The following SLC7A14 variants were observed in gnomAD, a reference collection of about 807,000 sequenced individuals.
SLC7A14 encodes solute carrier family 7 member 14.
SLC7A14 carries 37 observed loss-of-function variants against 60.2 expected under a neutral mutation model. The observed-to-expected ratio is 0.61, with a 90% CI of 0.47 to 0.81. SLC7A14 has a LOEUF of 0.81. SLC7A14 is among the 30% of genes least tolerant of loss of function. SLC7A14 has a pLI of 0.00. For missense variants in SLC7A14, 886 were observed against 982.7 expected, an observed-to-expected ratio of 0.90 and a Z score of 1.32; for synonymous variants, 399 against 395.8, an observed-to-expected ratio of 1.01 and a Z score of -0.10.
In SLC7A14 at chr3:170,480,289, C is replaced by A; in HGVS notation, c.1993G>T (p.Gly665Cys). The change falls in exon 7 of 8, where the codon GGT (glycine) becomes TGT (cysteine). Residue 665 changes from glycine to cysteine, a missense_variant and splice_region_variant. Transcript: ENST00000231706. The part of the protein sequence containing the change: ...WIRFAVWCFV[G>C]LLIYFGYGIW... ...TAAGGCTCCAAAGGAAGTTGCTTACCCACAAAGCACCAGACCGCAAACCGG... is the reference window on the plus strand; with the variant it reads ...TAAGGCTCCAAAGGAAGTTGCTTACACACAAAGCACCAGACCGCAAACCGG... 2.6e-6 allele frequency: 4 copies of A among 1,521,894 alleles called. No individual in the cohort carries two copies. Among genetic ancestry groups the A allele is most frequent in the Non-Finnish European group, 3.5e-6 (4 of 1,136,162 alleles). The allele number at this position is 1,521,894 out of a possible 1,614,324, so 94.3% of individuals were successfully genotyped here.
chr3:170,550,512 A>ATTTTTTTTTTTTTTTT lies in SLC7A14; in HGVS notation c.-152-23440_-152-23425dup, dbSNP rs369436642. On this transcript the variant is annotated intron_variant, in intron 1 of 7. Transcript: ENST00000231706. ...TAAACCTAATGCCATCTTTCCTTGA[A>ATTTTTTTTTTTTTTTT]TTTTTTTTTTTTTTTTTTTTTTTTT... Among the ~76,000 whole-genome samples the ATTTTTTTTTTTTTTTT allele has an allele frequency of 1.5e-3, 91 of 60,602 alleles. 12 individuals carry two copies. The highest frequency in any genetic ancestry group is 3.8e-3 in the African/African-American group (44 of 11,468). The allele number at this position is 60,602 out of a possible 152,430, so 39.8% of individuals were successfully genotyped here. A position where few individuals can be genotyped will look rare whatever the true frequency, so the allele number is the denominator to read the frequency against.
intron 2 of SLC7A14, among the ~76,000 whole-genome samples, chr3:170,512,654 A>ACTTT (rs1713017454): frequency 1.6e-5 from 1 of 63,130 alleles, no homozygotes; most frequent in Admixed American, 2.7e-4. Flanking sequence ...TACAATTTGC[A>ACTTT]TTTTTTTTTT....
At chr3:170,543,927 T>G (rs1714093860) in intron 1 of SLC7A14, among the ~76,000 whole-genome samples, 1 of 151,690 alleles carries the variant, frequency 6.6e-6, no homozygotes, top group South Asian at 2.1e-4. Context: ...TTTTTGTATT[T>G]TTAGTAGAGA....
At chr3:170,529,237 C>T (rs942452944) in intron 1 of SLC7A14, among the ~76,000 whole-genome samples, 1 of 152,226 alleles carries the variant, frequency 6.6e-6, no homozygotes, top group Non-Finnish European at 1.5e-5. Context: ...TATGTAACTA[C>T]ACACCTATTT....
intron 3 of SLC7A14, among the ~76,000 whole-genome samples, chr3:170,499,694 A>T (rs1712541802): frequency 6.6e-6 from 1 of 152,168 alleles, no homozygotes; most frequent in Non-Finnish European, 1.5e-5. Context: ...TGTAGAGAAA[A>T]AAATAACCAG....
At chr3:170,472,143 T>G (rs989336685) in intron 7 of SLC7A14, among the ~76,000 whole-genome samples, 9 of 148,734 alleles carry the variant, frequency 6.1e-5, no homozygotes, top group African/African-American at 2.0e-4. Flanking sequence ...CCGAGACAGG[T>G]GGATCACCTG....
At chr3:170,500,718 G>A (rs1712580672) in intron 3 of SLC7A14, among the ~76,000 whole-genome samples, 1 of 152,052 alleles carries the variant, frequency 6.6e-6, no homozygotes, top group Non-Finnish European at 1.5e-5. Flanking sequence ...TGCCTGTATG[G>A]TTTGTAGCCT....
At position 170,532,023 on chromosome 3, in the gene SLC7A14, G is replaced by C. The variant is rs147018744; in HGVS notation, c.-152-4935C>G. On this transcript the variant is annotated intron_variant, in intron 1 of 7. Coordinates refer to ENST00000231706, the MANE Select transcript of SLC7A14 (RefSeq NM_020949.3). This position sits in a 1 kb window ranked among gnomAD's most constrained non-coding sequence, Gnocchi z 4.0. ...GAGGTGAGGAGAGGAAGGAAACGAA[G>C]GCTAACAAAACAGTAAACAGCCAGT... Among the ~76,000 whole-genome samples, 495 of 152,264 alleles carry C rather than the reference G, an allele frequency of 3.3e-3. 6 individuals carry two copies. The highest frequency in any genetic ancestry group is 0.011 in the African/African-American group (470 of 41,540).
chr3:170,511,093 C>G (rs1712966088), intron 2 of SLC7A14, among the ~76,000 whole-genome samples: 1 of 152,186 alleles, frequency 6.6e-6, no homozygotes, highest in African/African-American at 2.4e-5. Flanking sequence ...CCTGGGCATA[C>G]TAAGTAAGTG....
chr3:170,469,137 C>T (rs775552099), intron 7 of SLC7A14, among the ~76,000 whole-genome samples: 1 of 152,312 alleles, frequency 6.6e-6, no homozygotes, highest in Non-Finnish European at 1.5e-5. Flanking sequence ...CTAACATCCT[C>T]CTCTGAGTAG....
chr3:170,544,412 A>G (rs1262588805), intron 1 of SLC7A14, among the ~76,000 whole-genome samples: 2 of 152,190 alleles, frequency 1.3e-5, no homozygotes, highest in South Asian at 2.1e-4. Flanking sequence ...TTAAAAGGCT[A>G]TATATCTGAG....
chr3:170,511,642 G>A (rs1241469962), intron 2 of SLC7A14, among the ~76,000 whole-genome samples: 1 of 152,188 alleles, frequency 6.6e-6, no homozygotes, highest in East Asian at 1.9e-4. Context: ...GCTTTACTTA[G>A]CAGTAGCCTG....
At chr3:170,560,738 A>C (rs1333353881) in intron 1 of SLC7A14, among the ~76,000 whole-genome samples, 2 of 152,188 alleles carry the variant, frequency 1.3e-5, no homozygotes, top group East Asian at 3.8e-4. Flanking sequence ...TCAATAACAG[A>C]AGAAAATCCT....
intron 1 of SLC7A14, among the ~76,000 whole-genome samples, chr3:170,546,635 G>C (rs1007256013): frequency 6.6e-6 from 1 of 152,200 alleles, no homozygotes; most frequent in Non-Finnish European, 1.5e-5. Context: ...CAAACAATCA[G>C]ATCTCCAAGC....
At chr3:170,491,041 G>A (rs1388341539) in intron 4 of SLC7A14, among the ~76,000 whole-genome samples, 1 of 152,074 alleles carries the variant, frequency 6.6e-6, no homozygotes, top group Non-Finnish European at 1.5e-5. Context: ...CTTGACTTGT[G>A]TGTACTAAGT....
chr3:170,521,166 C>A (rs983301584), intron 2 of SLC7A14, among the ~76,000 whole-genome samples: 4 of 152,174 alleles, frequency 2.6e-5, no homozygotes, highest in Non-Finnish European at 4.4e-5. Flanking sequence ...TGTGACAGGG[C>A]AGTGGGCAAT....
chr3:170,493,292 T>C (rs1712277345), intron 4 of SLC7A14, among the ~76,000 whole-genome samples: 1 of 152,190 alleles, frequency 6.6e-6, no homozygotes, highest in African/African-American at 2.4e-5. Context: ...TGTAAGTGAG[T>C]AAACCATTCC....
At chr3:170,502,780 A>T (rs1157503729) in intron 2 of SLC7A14, 1 of 152,224 alleles carries the variant, frequency 6.6e-6, no homozygotes, top group Non-Finnish European at 1.5e-5. Context: ...AAATGATTCC[A>T]TGTGATGTAC....
chr3:170,566,094 A>G (rs1158889461), intron 1 of SLC7A14, among the ~76,000 whole-genome samples: 1 of 152,182 alleles, frequency 6.6e-6, no homozygotes, highest in African/African-American at 2.4e-5. Context: ...TTTAAGGCCC[A>G]GAGAAGCAAA....
Sources: allele counts gnomAD v4.1 joint callset (sites outside exome capture counted in the v4.1 genomes callset), GRCh38; gene constraint gnomAD v4.1.1; non-coding constraint Gnocchi (gnomAD v3.1); transcripts MANE v1.5; gene names NCBI Gene and HGNC (gene_info 2026-07-23, HGNC 2026-07-21).